Variants in ERH observed in about 807,000 individuals in gnomAD.
ERH encodes ERH mRNA splicing and mitosis factor, also known as enhancer of rudimentary homolog.
Under a neutral mutation model 16.8 loss-of-function variants are expected in ERH, and 1 was observed. The observed-to-expected ratio is 0.06, with a 90% CI of 0.02 to 0.28. The LOEUF (loss-of-function observed/expected upper bound fraction) is 0.28. ERH is among the 10% of genes least tolerant of loss of function. ERH has a pLI of 1.00. For missense variants in ERH, 42 were observed against 127.5 expected (o/e 0.33, Z 3.23); for synonymous variants, 43 against 43.6 (o/e 0.99, Z 0.05).
At position 69,380,625 on chromosome 14, in the gene ERH, G is replaced by A. The variant is rs1394749730; in HGVS notation, c.228C>T (p.Thr76=). The change falls in exon 4 of 4, where the codon ACC becomes ACT. Residue 76 remains threonine, a synonymous_variant. Coordinates refer to ENST00000557016, the MANE Select transcript of ERH (RefSeq NM_004450.3). ...DLSCLVYRAD[T]QTYQPYNKDW... Reference sequence around the variant, plus strand: ...CTTTGTTATAAGGCTGGTATGTCTGGGTATCAGCTCGGTAACTGAGGAGAG... The same window carrying A: ...CTTTGTTATAAGGCTGGTATGTCTGAGTATCAGCTCGGTAACTGAGGAGAG... 6.8e-6 allele frequency: 11 copies of A among 1,608,258 alleles called. No individual in the cohort carries two copies. The highest frequency in any genetic ancestry group is 1.7e-5 in the Admixed American group (1 of 59,780).
intron 3 of ERH, among the ~76,000 whole-genome samples, chr14:69,382,335 C>T (rs2045867781): frequency 6.6e-6 from 1 of 152,136 alleles, no homozygotes; most frequent in Non-Finnish European, 1.5e-5. Context: ...ATTAAATAAG[C>T]TCTAAGCTAG....
intron 3 of ERH, among the ~76,000 whole-genome samples, chr14:69,384,163 G>A (rs562693607): frequency 1.3e-5 from 2 of 152,020 alleles, no homozygotes; most frequent in South Asian, 2.1e-4. Context: ...TATCTCACAC[G>A]TAGACATTAA....
chr14:69,391,141 A>G (rs941069632), intron 2 of ERH, among the ~76,000 whole-genome samples: 2 of 152,188 alleles, frequency 1.3e-5, no homozygotes, highest in Admixed American at 1.3e-4. Context: ...TACGCAAATG[A>G]GCTGAAAACT....
intron 3 of ERH, among the ~76,000 whole-genome samples, chr14:69,386,470 A>G (rs1278729196): frequency 6.6e-6 from 1 of 152,236 alleles, no homozygotes; most frequent in African/African-American, 2.4e-5. Flanking sequence ...CTTGTTAGTA[A>G]TTGTCAGAAG....
chr14:69,398,039 G>C, intron 1 of ERH, 192 bp downstream of exon 1: 1 of 720,810 alleles, frequency 1.4e-6, no homozygotes, highest in East Asian at 2.7e-5. Flanking sequence ...CCGCAGGGCG[G>C]ACCGGGGCTC....
intron 2 of ERH, among the ~76,000 whole-genome samples, chr14:69,390,578 C>T (rs867140496): frequency 6.6e-6 from 1 of 151,900 alleles, no homozygotes; most frequent in Non-Finnish European, 1.5e-5. Flanking sequence ...ACTATAAGAC[C>T]CATAGAAAAA....
intron 2 of ERH, among the ~76,000 whole-genome samples, chr14:69,387,695 CAA>C (rs57516317): frequency 1.6e-4 from 18 of 113,314 alleles, no homozygotes; most frequent in East Asian, 2.4e-4. Context: ...AGCCACAGAG[CAA>C]AAAAAAAAAA....
chr14:69,397,706 G>A (rs568765213), intron 1 of ERH, among the ~76,000 whole-genome samples: 3 of 152,142 alleles, frequency 2.0e-5, no homozygotes, highest in Non-Finnish European at 4.4e-5. Context: ...ATTGCTTGAG[G>A]TCAGGAGTTC....
Position 69,398,254 on chromosome 14 carries a change from A to G in ERH, c.-21T>C, listed in dbSNP as rs1399072387. On this transcript the variant is annotated 5_prime_UTR_variant, in exon 1 of 4. Transcript: ENST00000557016. ...ACCATCGCGCCAAACTCTCTTCGCT[A>G]CAGCAGCTGCCGACACCGCCGCCGT... 1 of 1,613,716 alleles carries G rather than the reference A, an allele frequency of 6.2e-7. No individual in the cohort carries two copies. The highest frequency in any genetic ancestry group is 8.5e-7 in the Non-Finnish European group (1 of 1,179,922).
At chr14:69,395,023 A>T (rs1476762604) in intron 1 of ERH, 111 bp from the exon 2 acceptor site, 3 of 766,094 alleles carry the variant, frequency 3.9e-6, no homozygotes, top group Non-Finnish European at 6.4e-6. Flanking sequence ...ATTAAAATGT[A>T]ATTAGAGAGG....
intron 1 of ERH, among the ~76,000 whole-genome samples, chr14:69,397,343 C>G (rs562917528): frequency 5.2e-4 from 79 of 151,970 alleles, no homozygotes; most frequent in African/African-American, 1.8e-3. Context: ...GGTCTCTGAG[C>G]TGAGCCTACT....
At chr14:69,394,773 C>T in intron 2 of ERH, 52 bp downstream of exon 2, 1 of 1,401,398 alleles carries the variant, frequency 7.1e-7, no homozygotes, top group Non-Finnish European at 9.9e-7. Flanking sequence ...AGGGGAAAAA[C>T]CCAGTTCCTA....
intron 2 of ERH, among the ~76,000 whole-genome samples, chr14:69,390,766 C>G (rs986572166): frequency 6.6e-6 from 1 of 152,150 alleles, no homozygotes; most frequent in Non-Finnish European, 1.5e-5. Flanking sequence ...TATAAAACAT[C>G]TATCTGATAA....
chr14:69,380,647 A>C lies in ERH; in HGVS notation c.213-7T>G. 3 of 1,559,716 alleles carry C rather than the reference A, an allele frequency of 1.9e-6. No homozygotes were observed. Among genetic ancestry groups the C allele is most frequent in the Non-Finnish European group, 2.6e-6 (3 of 1,132,078 alleles). On this transcript the variant is annotated splice_polypyrimidine_tract_variant and splice_region_variant and intron_variant, in intron 3 of 3. Coordinates refer to ENST00000557016, the MANE Select transcript of ERH (RefSeq NM_004450.3). ...CTGGGTATCAGCTCGGTAACTGAGGAGAGAAAGGGAATAAGCAAAGTCACA... is the reference window on the plus strand; with the variant it reads ...CTGGGTATCAGCTCGGTAACTGAGGCGAGAAAGGGAATAAGCAAAGTCACA...
At chr14:69,388,358 C>T (rs944898203) in intron 2 of ERH, among the ~76,000 whole-genome samples, 8 of 151,730 alleles carry the variant, frequency 5.3e-5, no homozygotes, top group African/African-American at 1.7e-4. Flanking sequence ...TTCAATAATA[C>T]TCTCCTTTTT....
rs147525203 is a variant in ERH at position 69,381,407 on chromosome 14, T to C, written c.213-767A>G. Reference sequence around the variant, plus strand: ...TTCCCCCTGTAAAGTATTAAGGAAATCTTAAACCTATATTTTAGGATTTGC... The same window carrying C: ...TTCCCCCTGTAAAGTATTAAGGAAACCTTAAACCTATATTTTAGGATTTGC... On this transcript the variant is annotated intron_variant, in intron 3 of 3. Coordinates refer to ENST00000557016, the MANE Select transcript of ERH (RefSeq NM_004450.3). Among the ~76,000 whole-genome samples, 201 of 152,346 alleles carry C rather than the reference T, an allele frequency of 1.3e-3. 6 individuals are homozygous for C. In the East Asian group the frequency reaches 0.037, roughly 28 times the overall value.
chr14:69,393,747 C>T (rs938779161), intron 2 of ERH, among the ~76,000 whole-genome samples: 6 of 152,202 alleles, frequency 3.9e-5, no homozygotes, highest in South Asian at 4.1e-4. Flanking sequence ...ACTTGGTTGG[C>T]GCGGTGGCTC....
At chr14:69,387,556 A>G (rs2045899773) in intron 2 of ERH, among the ~76,000 whole-genome samples, 2 of 152,316 alleles carry the variant, frequency 1.3e-5, no homozygotes, top group South Asian at 4.1e-4. Context: ...TGATGTAACT[A>G]TTTTGTGTCT....
chr14:69,390,953 A>G (rs150572622), intron 2 of ERH, among the ~76,000 whole-genome samples: 52 of 152,362 alleles, frequency 3.4e-4, no homozygotes, highest in Non-Finnish European at 6.6e-4. Flanking sequence ...GATACCTTAG[A>G]ATGGCTAAAA....
Sources: allele counts gnomAD v4.1 joint callset (sites outside exome capture counted in the v4.1 genomes callset), GRCh38; gene constraint gnomAD v4.1.1; transcripts MANE v1.5; gene names NCBI Gene and HGNC (gene_info 2026-07-23, HGNC 2026-07-21).